PDCD4: variants seen among roughly 807,000 people sequenced by gnomAD.
PDCD4 encodes the protein programmed cell death protein 4.
In PDCD4, 56 loss-of-function variants were observed where a neutral mutation model predicts 54.0. The ratio of observed to expected loss-of-function variants is 1.04; its 90% CI spans 0.84 to 1.30. PDCD4 has a LOEUF of 1.30. Ranked by LOEUF, PDCD4 falls within the 50% of genes most tolerant of loss-of-function variation. PDCD4 has a pLI of 0.00. For synonymous variants in PDCD4, 186 were observed against 194.8 expected, an observed-to-expected ratio of 0.95 and a Z score of 0.37; for missense variants, 584 against 559.8, an observed-to-expected ratio of 1.04 and a Z score of -0.44.
intron 3 of PDCD4, 32 bp downstream of exon 3, chr10:110,881,567 A>G (rs757643669): frequency 1.2e-5 from 19 of 1,557,840 alleles, no homozygotes; most frequent in Non-Finnish European, 1.6e-5. Flanking sequence ...CAAATGGAAG[A>G]TAAACAAGTG....
At chr10:110,896,779 A>C (rs138436420) in intron 11 of PDCD4, among the ~76,000 whole-genome samples, 275 of 152,252 alleles carry the variant, frequency 1.8e-3, no homozygotes, top group African/African-American at 6.5e-3. Flanking sequence ...AAGTTCTTAT[A>C]ATTTTTTATC....
rs941813166 is a variant in PDCD4 at position 110,899,813 on chromosome 10, GA to G, written c.*1726del. 6 of 146,738 alleles carry G rather than the reference GA, an allele frequency of 4.1e-5. No individual in the cohort carries two copies. Among genetic ancestry groups the G allele is most frequent in the African/African-American group, 1.5e-4 (6 of 39,646 alleles). 9.1% of individuals were successfully genotyped at this position (146,738 alleles called of 1,614,324 possible). ...TCTTGTCTCAAAAAAAAAAAAAAATGAGGTTTAAGACAGTTTTGTCATTACT... is the reference window on the plus strand; with the variant it reads ...TCTTGTCTCAAAAAAAAAAAAAAATGGGTTTAAGACAGTTTTGTCATTACT... On this transcript the variant is annotated 3_prime_UTR_variant, in exon 12 of 12. Transcript: ENST00000280154.
intron 6 of PDCD4, among the ~76,000 whole-genome samples, chr10:110,888,757 C>T (rs1845708660): frequency 1.3e-5 from 2 of 152,032 alleles, no homozygotes; most frequent in African/African-American, 4.8e-5. Flanking sequence ...ACATAGTATA[C>T]CATTTTATGT....
chr10:110,896,997 A>C (rs539173138), intron 11 of PDCD4, among the ~76,000 whole-genome samples: 27 of 152,308 alleles, frequency 1.8e-4, no homozygotes, highest in African/African-American at 6.3e-4. Context: ...TTATGTATGG[A>C]TGTGCCAAGT....
At chr10:110,886,518 A>G (rs954112702) in intron 5 of PDCD4, among the ~76,000 whole-genome samples, 3 of 152,292 alleles carry the variant, frequency 2.0e-5, no homozygotes, top group African/African-American at 7.2e-5. Flanking sequence ...TGGCTGTGAA[A>G]ATAGTTTTGG....
chr10:110,879,588 G>A (rs1845558969), intron 2 of PDCD4, among the ~76,000 whole-genome samples: 1 of 151,386 alleles, frequency 6.6e-6, no homozygotes, highest in Admixed American at 6.6e-5. Flanking sequence ...GGGAGGCAGA[G>A]CTTGCAGTGA....
At position 110,881,524 on chromosome 10, in the gene PDCD4, T is replaced by C; in HGVS notation, c.335T>C (p.Leu112Pro). The change falls in exon 3 of 12, where the codon CTA becomes CCA. Residue 112 changes from leucine (L) to proline (P), a missense_variant. Transcript: ENST00000280154. ...TCCAGATCTGGGAAAGGAAGGGGAC[T>C]ACCAAAGAAAGGTTGGTATATATCA... ...RRSRSGKGRG[L>P]PKKGGAGGKG... The C allele has an allele frequency of 6.2e-7, 1 of 1,610,116 alleles. No individual in the cohort carries two copies. The highest frequency in any genetic ancestry group is 1.1e-5 in the South Asian group (1 of 90,872).
intron 6 of PDCD4, 53 bp downstream of exon 6, chr10:110,887,939 T>C (rs866196788): frequency 8.2e-7 from 1 of 1,224,174 alleles, no homozygotes. Context: ...TATTCCTAAT[T>C]GTGGAAATAA....
chr10:110,888,813 T>A (rs1845709470), intron 6 of PDCD4, among the ~76,000 whole-genome samples: 1 of 152,160 alleles, frequency 6.6e-6, no homozygotes, highest in South Asian at 2.1e-4. Flanking sequence ...CAATTTCCAG[T>A]TTTTATAATA....
At position 110,898,046 on chromosome 10, in the gene PDCD4, A is replaced by T; in HGVS notation, c.1368A>T (p.Val456=). 6.3e-7 allele frequency: 1 copy of T among 1,591,798 alleles called. No homozygotes were observed. Residue 456 remains valine, a synonymous_variant, in exon 12 of 12, where the codon GTA becomes GTT. Transcript: ENST00000280154. ...ATTACAGGGGCAGAAAGCGTTTTGT[A>T]AGCGAAGGAGATGGAGGTCGTCTTA... ...LCPSRGRKRF[V]SEGDGGRLKP...
chr10:110,887,586 A>T, intron 5 of PDCD4, 79 bp from the exon 6 acceptor site: 1 of 983,722 alleles, frequency 1.0e-6, no homozygotes, highest in Non-Finnish European at 1.5e-6. Context: ...TAAAAGCTCA[A>T]TTTTTCAAAA....
At position 110,895,667 on chromosome 10, in the gene PDCD4, AG is replaced by A. The variant is rs1236187921; in HGVS notation, c.1210-277del. On this transcript the variant is annotated intron_variant, in intron 10 of 11. Transcript: ENST00000280154. ...GAGAAATCTCCGAACCACTTTCTAC[AG>A]GGGCTGAACTAATTTGCATTCCCAC... Among the ~76,000 whole-genome samples the A allele has an allele frequency of 2.0e-5, 3 of 152,198 alleles. No homozygotes were observed. The East Asian group carries it at 5.8e-4, about 29-fold the overall frequency.
At chr10:110,888,030 T>G in intron 6 of PDCD4, 144 bp downstream of exon 6, 3 of 579,440 alleles carry the variant, frequency 5.2e-6, no homozygotes, top group Non-Finnish European at 9.1e-6. Flanking sequence ...GCTAGCATTT[T>G]GATGTATTTT....
intron 3 of PDCD4, among the ~76,000 whole-genome samples, chr10:110,881,963 GGT>G (rs1232307880): frequency 7.9e-5 from 12 of 151,998 alleles, no homozygotes; most frequent in Admixed American, 7.9e-4. Context: ...TAGATCTCAC[GGT>G]GAGTTCTCTT....
chr10:110,887,450 G>A (rs1296038849), intron 5 of PDCD4, among the ~76,000 whole-genome samples: 3 of 152,180 alleles, frequency 2.0e-5, no homozygotes, highest in Non-Finnish European at 4.4e-5. Flanking sequence ...TGTTAAGGCA[G>A]TTAAAGCTTG....
chr10:110,873,994 G>T (rs1845464179), intron 1 of PDCD4, among the ~76,000 whole-genome samples: 5 of 152,182 alleles, frequency 3.3e-5, no homozygotes, highest in Admixed American at 3.3e-4. Flanking sequence ...TCTGTTTTAA[G>T]AAGCTTCTGT....
Position 110,898,158 on chromosome 10 carries a change from GTTTT to G in PDCD4, c.*87_*90del, listed in dbSNP as rs5787876. On this transcript the variant is annotated 3_prime_UTR_variant, in exon 12 of 12. Coordinates refer to ENST00000280154, the MANE Select transcript of PDCD4 (RefSeq NM_014456.5). The stretch of plus-strand genomic sequence containing the variant: ...TGAATTGTAAGAGTTGTTAGCACAA[GTTTT>G]TTTTTTTTTTTTTTTTAAGCACTTG... The G allele has an allele frequency of 7.4e-4, 284 of 384,872 alleles. No homozygotes were observed. Among genetic ancestry groups the G allele is most frequent in the South Asian group, 1.4e-3 (15 of 10,818 alleles). 23.8% of individuals were successfully genotyped at this position (384,872 alleles called of 1,614,324 possible).
At chr10:110,885,536 T>A (rs137984022) in intron 5 of PDCD4, among the ~76,000 whole-genome samples, 170 bp downstream of exon 5, 1 of 152,200 alleles carries the variant, frequency 6.6e-6, no homozygotes, top group East Asian at 1.9e-4. Context: ...AAAACAGTTA[T>A]ATATTTGGGA....
intron 1 of PDCD4, among the ~76,000 whole-genome samples, chr10:110,873,927 T>G (rs1845462769): frequency 6.6e-6 from 1 of 152,244 alleles, no homozygotes; most frequent in South Asian, 2.1e-4. Flanking sequence ...TATAATAGTT[T>G]AAAATAATTA....
Sources: gnomAD v4.1 joint callset for allele counts (sites outside exome capture counted in the v4.1 genomes callset) on GRCh38, gnomAD v4.1.1 for gene constraint, MANE v1.5 for transcripts, NCBI Gene and HGNC (gene_info 2026-07-23, HGNC 2026-07-21) for gene names.